The following TUSC3 variants were observed in gnomAD, a reference collection of about 807,000 sequenced individuals.
The protein encoded by TUSC3 is tumor suppressor candidate 3.
Under a neutral mutation model 44.8 loss-of-function variants are expected in TUSC3, and 45 were observed. That is an observed-to-expected ratio of 1.00 (90% confidence interval 0.79 to 1.29). TUSC3 has a LOEUF of 1.29. TUSC3 is among the 50% of genes most tolerant of loss of function. The pLI is 0.00. For synonymous variants in TUSC3, 212 were observed against 152.9 expected (o/e 1.39, Z -2.85); for missense variants, 519 against 437.9 (o/e 1.19, Z -1.65).
chr8:15,834,634 T>A, the TUSC3 span, among the ~76,000 whole-genome samples: 1 of 152,214 alleles, frequency 6.6e-6, no homozygotes, highest in South Asian at 2.1e-4. Context: ...TCTATGGATA[T>A]GGCATATTTC....
chr8:15,564,675 T>A (rs1802599937), intron 1 of TUSC3, among the ~76,000 whole-genome samples: 1 of 152,164 alleles, frequency 6.6e-6, no homozygotes, highest in African/African-American at 2.4e-5. Flanking sequence ...CTAGATGACA[T>A]TTCCCAGTGT....
At chr8:15,729,807 C>T (rs1051535342) in intron 6 of TUSC3, among the ~76,000 whole-genome samples, 2 of 151,614 alleles carry the variant, frequency 1.3e-5, no homozygotes, top group East Asian at 1.9e-4. Context: ...CAAATTCCGG[C>T]GACATGCAAT....
chr8:15,727,454 G>C (rs1810542868), intron 6 of TUSC3, among the ~76,000 whole-genome samples: 1 of 151,930 alleles, frequency 6.6e-6, no homozygotes, highest in Non-Finnish European at 1.5e-5. Context: ...TATAACTGCT[G>C]GATTTCTGTT....
chr8:15,463,270 A>C (rs899676330), intron 1 of TUSC3, among the ~76,000 whole-genome samples: 6 of 152,146 alleles, frequency 3.9e-5, no homozygotes, highest in Non-Finnish European at 7.4e-5. Flanking sequence ...GGGAAGAATA[A>C]AAATATATGC....
rs114037840 is a variant in TUSC3 at position 15,719,341 on chromosome 8, G to A, written c.799-11325G>A. Among the ~76,000 whole-genome samples the A allele has an allele frequency of 6.9e-3, 1,049 of 151,944 alleles. 16 individuals are homozygous for A. Among genetic ancestry groups the A allele is most frequent in the African/African-American group, 0.024 (997 of 41,450 alleles). ...TAACTGCCTTGCCTTGTTCACAACT[G>A]TGCTCAGATGCCAAAGATGTCTCTG... On this transcript the variant is annotated intron_variant, in intron 6 of 10. Coordinates refer to ENST00000503731, the MANE Select transcript of TUSC3 (RefSeq NM_006765.4).
chr8:15,846,705 A>C, the TUSC3 span, among the ~76,000 whole-genome samples: 25 of 152,178 alleles, frequency 1.6e-4, no homozygotes, highest in African/African-American at 6.0e-4. Flanking sequence ...AACATCACAC[A>C]TCAGGGCCTG....
At chr8:15,509,300 C>A (rs931642203) in intron 2 of TUSC3, among the ~76,000 whole-genome samples, 16 of 152,286 alleles carry the variant, frequency 1.1e-4, no homozygotes, top group African/African-American at 3.6e-4. Flanking sequence ...TAACTGAATG[C>A]TACGTGAAAT....
At chr8:15,458,684 A>G (rs758420055) in intron 1 of TUSC3, among the ~76,000 whole-genome samples, 33 of 152,200 alleles carry the variant, frequency 2.2e-4, no homozygotes, top group Non-Finnish European at 4.0e-4. Flanking sequence ...GTTCGAGTGC[A>G]TGCTCCTCCT....
chr8:15,500,091 C>T (rs1369683852), intron 2 of TUSC3, among the ~76,000 whole-genome samples: 1 of 152,062 alleles, frequency 6.6e-6, no homozygotes, highest in Non-Finnish European at 1.5e-5. Context: ...TTCATATATC[C>T]TCTATTACCT....
chr8:15,531,909 A>G (rs1388100226), intron 2 of TUSC3, among the ~76,000 whole-genome samples: 2 of 152,194 alleles, frequency 1.3e-5, no homozygotes, highest in African/African-American at 2.4e-5. Flanking sequence ...ACCATCAAAG[A>G]AAAAGGAAAG....
rs574392024 is a variant in TUSC3 at position 15,577,845 on chromosome 8, G to T, written c.138+37277G>T. On this transcript the variant is annotated intron_variant, in intron 1 of 10. Coordinates refer to ENST00000503731, the MANE Select transcript of TUSC3 (RefSeq NM_006765.4). The stretch of plus-strand genomic sequence containing the variant: ...CTTTAAAGTAGTTTTTTCCAATTCT[G>T]TGAGGAAAGTCATTGGTAGCTTGAT... Among the ~76,000 whole-genome samples, 99 of 150,192 alleles carry T rather than the reference G, an allele frequency of 6.6e-4. No homozygotes were observed. The Middle Eastern group carries it at 0.01, about 16-fold the overall frequency.
intron 2 of TUSC3, among the ~76,000 whole-genome samples, chr8:15,632,620 T>A (rs1585174201): frequency 6.6e-6 from 1 of 152,238 alleles, no homozygotes; most frequent in Admixed American, 6.5e-5. Flanking sequence ...TATTAATTTA[T>A]AATGTTTGTC....
intron 1 of TUSC3, among the ~76,000 whole-genome samples, chr8:15,418,817 G>T (rs1404948150): frequency 6.6e-6 from 1 of 152,106 alleles, no homozygotes; most frequent in Non-Finnish European, 1.5e-5. Flanking sequence ...ACCAGCCTGG[G>T]CAACATAGCC....
At chr8:15,692,984 T>G (rs536984805) in intron 6 of TUSC3, among the ~76,000 whole-genome samples, 7 of 152,168 alleles carry the variant, frequency 4.6e-5, no homozygotes, top group Non-Finnish European at 7.3e-5. Flanking sequence ...AAACTCTGCT[T>G]TCTTCTGTTT....
intron 1 of TUSC3, among the ~76,000 whole-genome samples, chr8:15,431,303 T>TATTA (rs147112829): frequency 0.14 from 21,108 of 151,710 alleles, 1,759 homozygotes; most frequent in Middle Eastern, 0.22. Context: ...ATTTTACCTA[T>TATTA]ATTCTTCCAA....
chr8:15,651,444 C>G (rs1022520305), intron 3 of TUSC3, among the ~76,000 whole-genome samples: 1 of 152,184 alleles, frequency 6.6e-6, no homozygotes, highest in South Asian at 2.1e-4. Context: ...GAAGCCATAG[C>G]TTCTGGCGTG....
chr8:15,807,269 A>G, the TUSC3 span: 2 of 601,158 alleles, frequency 3.3e-6, no homozygotes, highest in East Asian at 6.1e-5. Context: ...TTGCTTGTCT[A>G]AAGATGGTCC....
intron 1 of TUSC3, among the ~76,000 whole-genome samples, chr8:15,468,987 G>A (rs187635674): frequency 3.6e-5 from 5 of 138,404 alleles, no homozygotes; most frequent in Admixed American, 7.7e-5. Flanking sequence ...TGACCCTGAA[G>A]AGAATTAATG....
chr8:15,846,201 G>A, the TUSC3 span, among the ~76,000 whole-genome samples: 4 of 152,058 alleles, frequency 2.6e-5, no homozygotes, highest in African/African-American at 7.2e-5. Context: ...TATCAACTCC[G>A]AGGGCAATTC....
Sources: gnomAD v4.1 joint callset for allele counts (sites outside exome capture counted in the v4.1 genomes callset) on GRCh38, gnomAD v4.1.1 for gene constraint, MANE v1.5 for transcripts, NCBI Gene and HGNC (gene_info 2026-07-23, HGNC 2026-07-21) for gene names.